Variants in CHRNA7 observed in about 807,000 individuals in gnomAD.
CHRNA7 encodes cholinergic receptor nicotinic alpha 7 subunit.
CHRNA7 carries 17 observed loss-of-function variants against 48.0 expected under a neutral mutation model. The ratio of observed to expected loss-of-function variants is 0.35; its 90% CI spans 0.24 to 0.53. CHRNA7 has a LOEUF of 0.53. Ranked by LOEUF, CHRNA7 falls within the 20% of genes least tolerant of loss-of-function variation. CHRNA7 has a pLI of 0.92. For missense variants in CHRNA7, 155 were observed against 577.7 expected, an observed-to-expected ratio of 0.27 and a Z score of 7.50; for synonymous variants, 75 against 242.3, an observed-to-expected ratio of 0.31 and a Z score of 6.41.
rs1252934734 is a variant in CHRNA7, at chr15:32,149,824, T to C, written c.351-4083T>C. Among the ~76,000 whole-genome samples the C allele has an allele frequency of 6.6e-6, 1 of 151,824 alleles. No individual in the cohort carries two copies. The highest frequency in any genetic ancestry group is 1.5e-5 in the Non-Finnish European group (1 of 67,962). On this transcript the variant is annotated intron_variant, in intron 4 of 9. Transcript: ENST00000306901. The surrounding 1 kb of genome is among the most constrained non-coding windows in gnomAD (Gnocchi z 4.6). ...CCTGTTTGCCTTGTGATCTCAAGAGTCTCTTCAATTAAATTGATCCAAATG... is the reference window on the plus strand; with the variant it reads ...CCTGTTTGCCTTGTGATCTCAAGAGCCTCTTCAATTAAATTGATCCAAATG...
At chr15:32,057,593 AAAC>A (rs1175704563) in intron 2 of CHRNA7, among the ~76,000 whole-genome samples, 20 of 152,242 alleles carry the variant, frequency 1.3e-4, no homozygotes, top group Admixed American at 1.3e-3. Context: ...TTCTTTTTAA[AAAC>A]AACATTTAAA....
intron 4 of CHRNA7, among the ~76,000 whole-genome samples, chr15:32,127,286 G>A (rs2051084235): frequency 6.6e-6 from 1 of 152,066 alleles, no homozygotes; most frequent in African/African-American, 2.4e-5. Context: ...CCATGTCCAT[G>A]TTTGTTTGTT....
intron 2 of CHRNA7, among the ~76,000 whole-genome samples, chr15:32,078,053 A>G (rs75666613): frequency 0.024 from 3,585 of 152,272 alleles, 135 homozygotes; most frequent in African/African-American, 0.082. Flanking sequence ...TCTTTGGCCT[A>G]TTTTTAAATT....
chr15:32,131,459 C>T (rs1409342956), intron 4 of CHRNA7, among the ~76,000 whole-genome samples: 2 of 152,170 alleles, frequency 1.3e-5, no homozygotes, highest in Admixed American at 6.5e-5. Flanking sequence ...CTCCACTCTA[C>T]TATTGAGCCC....
At chr15:32,078,734 T>G (rs918440525) in intron 2 of CHRNA7, among the ~76,000 whole-genome samples, 14 of 150,364 alleles carry the variant, frequency 9.3e-5, no homozygotes, top group Middle Eastern at 7.2e-3. Flanking sequence ...AAAGAGGACC[T>G]GGTACCATTT....
intron 2 of CHRNA7, among the ~76,000 whole-genome samples, chr15:32,086,837 CAGACAGCAG>C (rs144503247): frequency 0.023 from 3,573 of 152,206 alleles, 127 homozygotes; most frequent in African/African-American, 0.082. Context: ...TTGGGGTAGA[CAGACAGCAG>C]AGTATTATAT....
intron 4 of CHRNA7, among the ~76,000 whole-genome samples, chr15:32,114,334 G>A (rs191834445): frequency 2.0e-5 from 3 of 152,166 alleles, no homozygotes; most frequent in Non-Finnish European, 2.9e-5. Flanking sequence ...ATTTCAAGGA[G>A]CAAAGATAGA....
At chr15:32,090,732 G>T (rs1292234916) in intron 2 of CHRNA7, among the ~76,000 whole-genome samples, 1 of 152,052 alleles carries the variant, frequency 6.6e-6, no homozygotes, top group East Asian at 1.9e-4. Context: ...AATGATGGAG[G>T]TTTGAATTAG....
chr15:32,034,702 T>C (rs1278593585), intron 2 of CHRNA7, among the ~76,000 whole-genome samples: 1 of 152,156 alleles, frequency 6.6e-6, no homozygotes, highest in African/African-American at 2.4e-5. Context: ...AACCATGATA[T>C]TTGTATTAAA....
intron 2 of CHRNA7, among the ~76,000 whole-genome samples, chr15:32,075,897 A>G (rs1019001914): frequency 3.3e-5 from 5 of 151,940 alleles, no homozygotes; most frequent in African/African-American, 1.2e-4. Flanking sequence ...TTGTATTTTC[A>G]TATTCAAAAT....
intron 2 of CHRNA7, among the ~76,000 whole-genome samples, chr15:32,077,873 T>A (rs1606660): frequency 7.9e-5 from 12 of 152,110 alleles, no homozygotes; most frequent in Admixed American, 7.2e-4. Flanking sequence ...TAGCACTCAC[T>A]GCTCTTATGG....
At chr15:32,107,124 T>C (rs1277554556) in intron 3 of CHRNA7, among the ~76,000 whole-genome samples, 1 of 152,214 alleles carries the variant, frequency 6.6e-6, no homozygotes, top group African/African-American at 2.4e-5. Flanking sequence ...ATAAGTGTTT[T>C]CTGACATCAA....
At chr15:32,110,140 A>G (rs1400529833) in intron 3 of CHRNA7, among the ~76,000 whole-genome samples, 8 of 152,222 alleles carry the variant, frequency 5.3e-5, no homozygotes. Flanking sequence ...GAAGCATCCC[A>G]GGGTGAGATG....
chr15:32,109,724 TG>T (rs2050730992), intron 3 of CHRNA7, among the ~76,000 whole-genome samples: 1 of 152,270 alleles, frequency 6.6e-6, no homozygotes, highest in Non-Finnish European at 1.5e-5. Context: ...CTCTTGTAAA[TG>T]GAAGCAGTCA....
intron 3 of CHRNA7, among the ~76,000 whole-genome samples, chr15:32,109,802 A>C (rs10438287): frequency 6.6e-6 from 1 of 152,144 alleles, no homozygotes; most frequent in African/African-American, 2.4e-5. Context: ...AGGACACTGG[A>C]CTAGCATAAA....
intron 2 of CHRNA7, among the ~76,000 whole-genome samples, chr15:32,097,421 A>G (rs1231355608): frequency 1.3e-5 from 2 of 152,120 alleles, no homozygotes; most frequent in South Asian, 2.1e-4. Flanking sequence ...GATGGTCCCC[A>G]TATATACAAG....
At chr15:32,097,463 T>C (rs2050491230) in intron 2 of CHRNA7, among the ~76,000 whole-genome samples, 1 of 152,022 alleles carries the variant, frequency 6.6e-6, no homozygotes, top group African/African-American at 2.4e-5. Context: ...CCTTCCACCA[T>C]GCGAGGACAC....
chr15:32,092,299 T>G (rs1379978173), intron 2 of CHRNA7, among the ~76,000 whole-genome samples: 1 of 152,218 alleles, frequency 6.6e-6, no homozygotes, highest in Non-Finnish European at 1.5e-5. Context: ...TTCTGTTATT[T>G]TATTAGCTCA....
At chr15:32,095,615 C>G (rs1443723702) in intron 2 of CHRNA7, among the ~76,000 whole-genome samples, 1 of 152,180 alleles carries the variant, frequency 6.6e-6, no homozygotes, top group Non-Finnish European at 1.5e-5. Context: ...CAGTCTGCTG[C>G]TGGTCCCTAT....
Sources: allele counts gnomAD v4.1 joint callset (sites outside exome capture counted in the v4.1 genomes callset), GRCh38; gene constraint gnomAD v4.1.1; non-coding constraint Gnocchi (gnomAD v3.1); transcripts MANE v1.5; gene names NCBI Gene and HGNC (gene_info 2026-07-23, HGNC 2026-07-21).